The following TBK1 variants were observed in gnomAD, a reference collection of about 807,000 sequenced individuals.
The protein encoded by TBK1 is TANK binding kinase 1.
Under a neutral mutation model 99.9 loss-of-function variants are expected in TBK1, and 37 were observed. That is an observed-to-expected ratio of 0.37 (90% CI 0.28 to 0.49). TBK1 has a LOEUF of 0.49. Among genes scored for constraint, TBK1 ranks in the 20% least tolerant of loss-of-function variants. The pLI is 0.98. For missense variants in TBK1, 644 were observed against 872.5 expected, an observed-to-expected ratio of 0.74 and a Z score of 3.30; for synonymous variants, 258 against 279.8, an observed-to-expected ratio of 0.92 and a Z score of 0.78.
At chr12:64,494,241 A>G (rs986828189) in intron 13 of TBK1, among the ~76,000 whole-genome samples, 1 of 151,916 alleles carries the variant, frequency 6.6e-6, no homozygotes, top group Admixed American at 6.6e-5. Flanking sequence ...GTGGGGGTAG[A>G]CTGGTTGAGC....
chr12:64,470,066 A>G (rs2136066189), intron 5 of TBK1, among the ~76,000 whole-genome samples: 1 of 152,306 alleles, frequency 6.6e-6, no homozygotes, highest in South Asian at 2.1e-4. Context: ...AGTTGGAGAA[A>G]CAGAAAAGAT....
At chr12:64,461,446 C>T (rs1385943527) in intron 3 of TBK1, among the ~76,000 whole-genome samples, 5 of 151,812 alleles carry the variant, frequency 3.3e-5, no homozygotes, top group African/African-American at 7.3e-5. Context: ...ACTCTTTATC[C>T]GAGTGATTTT....
At chr12:64,461,039 C>T (rs2040543622) in intron 3 of TBK1, among the ~76,000 whole-genome samples, 1 of 150,122 alleles carries the variant, frequency 6.7e-6, no homozygotes, top group African/African-American at 2.5e-5. Context: ...CATATTGTGC[C>T]ACTGTACTCT....
intron 8 of TBK1, among the ~76,000 whole-genome samples, chr12:64,482,613 A>G (rs149056238): frequency 0.011 from 1,689 of 152,336 alleles, 35 homozygotes; most frequent in African/African-American, 0.038. Flanking sequence ...TGGTTCCGTA[A>G]GATTATAATA....
At chr12:64,462,072 T>C (rs1310340416) in intron 3 of TBK1, among the ~76,000 whole-genome samples, 1 of 152,216 alleles carries the variant, frequency 6.6e-6, no homozygotes. Flanking sequence ...TGCTGACCTT[T>C]AGTCCCCAGC....
intron 1 of TBK1, among the ~76,000 whole-genome samples, chr12:64,455,107 C>T (rs2040472808): frequency 6.6e-6 from 1 of 151,232 alleles, no homozygotes; most frequent in South Asian, 2.1e-4. Flanking sequence ...CTGTTGCAGC[C>T]TCCCGAGTAG....
intron 20 of TBK1, among the ~76,000 whole-genome samples, chr12:64,500,842 T>G (rs959219194): frequency 7.1e-6 from 1 of 140,014 alleles, no homozygotes; most frequent in African/African-American, 2.6e-5. Context: ...CACTGCAACC[T>G]CTGCCTCCCG....
At chr12:64,454,598 A>G (rs2040464086) in intron 1 of TBK1, among the ~76,000 whole-genome samples, 1 of 142,836 alleles carries the variant, frequency 7.0e-6, no homozygotes, top group Non-Finnish European at 1.5e-5. Flanking sequence ...AATTGAATGT[A>G]TGTCATTGGT....
intron 11 of TBK1, among the ~76,000 whole-genome samples, chr12:64,487,731 T>C (rs1348544790): frequency 2.6e-5 from 4 of 152,236 alleles, no homozygotes; most frequent in African/African-American, 9.6e-5. Context: ...TCTAATATTT[T>C]AGACTTTGTG....
intron 4 of TBK1, among the ~76,000 whole-genome samples, chr12:64,465,452 A>G (rs1035358709): frequency 1.3e-5 from 2 of 151,950 alleles, no homozygotes; most frequent in African/African-American, 2.4e-5. Context: ...TAACATATCC[A>G]TATAAAAACT....
rs376549237 is a variant in TBK1, at chr12:64,460,548, G to A, written c.228+219G>A. Among the ~76,000 whole-genome samples the A allele has an allele frequency of 2.0e-4, 31 of 152,074 alleles. No homozygotes were observed. The East Asian group carries it at 5.4e-3, about 27-fold the overall frequency. On this transcript the variant is annotated intron_variant, in intron 3 of 20. Transcript: ENST00000331710. ...GTGTAAGAAATAAAAGGGGGCGGCC[G>A]GCTGCGGCTGGGTGCAGTGGCTCAC...
intron 4 of TBK1, 42 bp downstream of exon 4, chr12:64,464,505 T>C (rs770490083): frequency 7.0e-7 from 1 of 1,437,484 alleles, no homozygotes; most frequent in Non-Finnish European, 9.3e-7. Flanking sequence ...TATATAAAAT[T>C]TAATAACAGA....
intron 20 of TBK1, among the ~76,000 whole-genome samples, chr12:64,499,761 G>T (rs1055509284): frequency 1.4e-5 from 2 of 144,538 alleles, no homozygotes; most frequent in Non-Finnish European, 3.0e-5. Flanking sequence ...GCAGTGGCGC[G>T]ATCTTGGCTC....
intron 20 of TBK1, among the ~76,000 whole-genome samples, chr12:64,500,214 G>C (rs1464883424): frequency 6.6e-6 from 1 of 152,100 alleles, no homozygotes; most frequent in African/African-American, 2.4e-5. Flanking sequence ...ATACTACTCT[G>C]TCTCCATGTG....
intron 6 of TBK1, among the ~76,000 whole-genome samples, chr12:64,479,264 A>G (rs946535748): frequency 6.6e-6 from 1 of 152,080 alleles, no homozygotes; most frequent in Admixed American, 6.6e-5. Context: ...TATTCTATTC[A>G]CTTCTCTTTT....
intron 4 of TBK1, 51 bp from the exon 5 acceptor site, chr12:64,466,850 C>G (rs771728063): frequency 7.2e-6 from 10 of 1,391,204 alleles, no homozygotes; most frequent in Non-Finnish European, 8.6e-6. Context: ...GACATGCACA[C>G]ATACACGTAA....
rs913945341 is a variant in TBK1, at chr12:64,502,023, C to A, written c.*642C>A. On this transcript the variant is annotated 3_prime_UTR_variant, in exon 21 of 21. Transcript: ENST00000331710. ...TAAATGTGTAATTGTCATTAAAATT[C>A]TAAGGTCATTTCAACTGTTTTAAGC... The A allele has an allele frequency of 1.3e-5, 2 of 149,956 alleles. No individual in the cohort carries two copies. The highest frequency in any genetic ancestry group is 4.8e-5 in the African/African-American group (2 of 41,278). 9.3% of individuals were successfully genotyped at this position (149,956 alleles called of 1,614,324 possible).
rs1264472192 is a variant in TBK1 at position 64,467,037 on chromosome 12, A to C, written c.495A>C (p.Glu165Asp). The change falls in exon 5 of 21, where the codon GAA becomes GAC. Residue 165 changes from glutamate (E) to aspartate (D), a missense_variant. Glu to Asp is a conservative substitution (Grantham distance 45). This residue lies in a region of TBK1 where 148 missense variants were observed against 202.1 expected (regional missense o/e 0.73). Transcript: ENST00000331710. The stretch of plus-strand genomic sequence containing the variant: ...ATTTTGGTGCAGCTAGAGAATTAGA[A>C]GATGATGAGCAGTTTGTTTCTCTGT... ...LTDFGAAREL[E>D]DDEQFVSLYG... 1.9e-6 allele frequency: 3 copies of C among 1,610,804 alleles called. No homozygotes were observed. The East Asian group carries it at 6.7e-5, about 36-fold the overall frequency.
At chr12:64,495,159 G>T (rs889576929) in intron 13 of TBK1, among the ~76,000 whole-genome samples, 3 of 152,136 alleles carry the variant, frequency 2.0e-5, no homozygotes, top group African/African-American at 7.2e-5. Context: ...TCAAAACCGG[G>T]TTATGAAATG....
Sources: gnomAD v4.1 joint callset for allele counts (sites outside exome capture counted in the v4.1 genomes callset) on GRCh38, gnomAD v4.1.1 for gene constraint, gnomAD v4.1.1 regional missense constraint, MANE v1.5 for transcripts, NCBI Gene and HGNC (gene_info 2026-07-23, HGNC 2026-07-21) for gene names.